The following LETM1 variants were observed in gnomAD, a reference collection of about 807,000 sequenced individuals.
LETM1 encodes leucine zipper and EF-hand containing transmembrane protein 1.
LETM1 carries 50 observed loss-of-function variants against 74.5 expected under a neutral mutation model. The observed-to-expected ratio is 0.67, with a 90% CI of 0.53 to 0.85. LETM1 has a LOEUF of 0.85. Ranked by LOEUF, LETM1 falls within the 40% of genes least tolerant of loss-of-function variation. LETM1 has a pLI of 0.00. For synonymous variants in LETM1, 446 were observed against 407.1 expected (o/e 1.10, Z -1.15); for missense variants, 824 against 967.8 (o/e 0.85, Z 1.97).
intron 6 of LETM1, among the ~76,000 whole-genome samples, chr4:1,831,415 G>A (rs571808070): frequency 5.9e-5 from 9 of 152,234 alleles, no homozygotes; most frequent in Non-Finnish European, 1.2e-4. Context: ...GAGGGCAGAA[G>A]CATCTCAGTA....
intron 3 of LETM1, among the ~76,000 whole-genome samples, chr4:1,837,794 C>T (rs1712509536): frequency 6.6e-6 from 1 of 151,180 alleles, no homozygotes; most frequent in African/African-American, 2.4e-5. Flanking sequence ...TCTCCATCTC[C>T]CTGGTTCAAG....
At chr4:1,852,342 C>T (rs1368928317) in intron 1 of LETM1, among the ~76,000 whole-genome samples, 4 of 152,198 alleles carry the variant, frequency 2.6e-5, no homozygotes, top group Non-Finnish European at 5.9e-5. Context: ...ACAGCATGGC[C>T]AGGGAGGTCC....
At chr4:1,848,092 G>A (rs761321488) in intron 2 of LETM1, among the ~76,000 whole-genome samples, 14 of 151,870 alleles carry the variant, frequency 9.2e-5, no homozygotes, top group Non-Finnish European at 1.2e-4. Context: ...ATAATAAAAC[G>A]TTATTCGTGG....
At chr4:1,852,168 C>T (rs1713091324) in intron 1 of LETM1, among the ~76,000 whole-genome samples, 1 of 152,246 alleles carries the variant, frequency 6.6e-6, no homozygotes. Context: ...ACTGCCCCCA[C>T]TCCATGTGCC....
intron 6 of LETM1, among the ~76,000 whole-genome samples, chr4:1,827,985 C>G: frequency 7.3e-6 from 1 of 137,924 alleles, no homozygotes; most frequent in South Asian, 2.3e-4. Flanking sequence ...CACTTCCCAG[C>G]AGGGGCGGCC....
At chr4:1,816,970 G>C in intron 11 of LETM1, 56 bp from the exon 12 acceptor site, 1 of 1,449,840 alleles carries the variant, frequency 6.9e-7, no homozygotes, top group Non-Finnish European at 9.6e-7. Context: ...AGGGGGTCAG[G>C]TGTAGTGGCT....
intron 1 of LETM1, among the ~76,000 whole-genome samples, chr4:1,855,264 A>G (rs942007427): frequency 6.6e-6 from 1 of 152,216 alleles, no homozygotes. Context: ...AGGTGGGCAC[A>G]CCCTGGGACA....
intron 9 of LETM1, 194 bp downstream of exon 9, chr4:1,822,794 G>A (rs1001001085): frequency 8.9e-6 from 4 of 447,460 alleles, no homozygotes. Flanking sequence ...GTGGCCATCG[G>A]GGAGTCCCCA....
rs1273811308 is a variant in LETM1 at position 1,829,171 on chromosome 4, A to AC, written c.1081-3489dup. ...GGCGGCTGGCCGGGCAGGGGGGCTG[A>AC]CCCCCCCCCCACCTCCCTCCCGGAC... On this transcript the variant is annotated intron_variant, in intron 6 of 13. Transcript: ENST00000302787. 3.3e-4 allele frequency among the ~76,000 whole-genome samples: 10 copies of AC among 30,742 alleles called. No homozygotes were observed. The East Asian group carries it at 4.3e-3, about 13-fold the overall frequency. 20.2% of individuals were successfully genotyped at this position (30,742 alleles called of 152,430 possible). A position where few individuals can be genotyped will look rare whatever the true frequency, so the allele number is the denominator to read the frequency against.
At chr4:1,822,141 C>A (rs372359085) in intron 10 of LETM1, 40 bp downstream of exon 10, 7 of 1,361,752 alleles carry the variant, frequency 5.1e-6, no homozygotes, top group African/African-American at 4.5e-5. Context: ...CCAGGCCATG[C>A]CCTCCTCAGC....
rs1560493937 is a variant in LETM1, at chr4:1,834,042, C to T, written c.876+803G>A. ...CCTGGGGGGCTCAGCAGCCCCATGGCTGTGTCGCCTCCTCCCGAGAGGCTT... is the reference window on the plus strand; with the variant it reads ...CCTGGGGGGCTCAGCAGCCCCATGGTTGTGTCGCCTCCTCCCGAGAGGCTT... On this transcript the variant is annotated intron_variant, in intron 5 of 13. Transcript: ENST00000302787. The surrounding 1 kb of genome is among the most constrained non-coding windows in gnomAD (Gnocchi z 5.0). 6.6e-6 allele frequency: 1 copy of T among 152,322 alleles called. No homozygotes were observed. Among genetic ancestry groups the T allele is most frequent in the South Asian group, 2.1e-4 (1 of 4,834 alleles). The allele number at this position is 152,322 out of a possible 1,614,324, so 9.4% of individuals were successfully genotyped here. A position where few individuals can be genotyped will look rare whatever the true frequency, so the allele number is the denominator to read the frequency against.
chr4:1,823,395 A>C (rs1711860527), intron 8 of LETM1, among the ~76,000 whole-genome samples: 1 of 152,112 alleles, frequency 6.6e-6, no homozygotes, highest in African/African-American at 2.4e-5. Context: ...CCAGATCCAC[A>C]GCAGCCAACA....
chr4:1,833,297 C>CTG, intron 5 of LETM1: 1 of 293,966 alleles, frequency 3.4e-6, no homozygotes, highest in South Asian at 3.5e-5. Context: ...CTCAAATACC[C>CTG]GACCTCAAGT....
In LETM1 at chr4:1,816,786, C is replaced by G; in HGVS notation, c.1872G>C (p.Ser624=). The G allele has an allele frequency of 6.2e-7, 1 of 1,614,222 alleles. No individual in the cohort carries two copies. The highest frequency in any genetic ancestry group is 8.5e-7 in the Non-Finnish European group (1 of 1,180,024). The change falls in exon 12 of 14, where the codon TCG becomes TCC. Residue 624 remains serine, a synonymous_variant. Coordinates refer to ENST00000302787, the MANE Select transcript of LETM1 (RefSeq NM_012318.3). ...QMIGQIDGLI[S]QLEMDQQAGK... ...CAGCCTGCTGGTCCATCTCCAGCTGCGAGATCAAGCCATCGATCTGCCCGA... is the reference window on the plus strand; with the variant it reads ...CAGCCTGCTGGTCCATCTCCAGCTGGGAGATCAAGCCATCGATCTGCCCGA...
At chr4:1,838,754 G>A (rs1184761822) in intron 3 of LETM1, among the ~76,000 whole-genome samples, 7 of 152,186 alleles carry the variant, frequency 4.6e-5, no homozygotes, top group Admixed American at 3.9e-4. Context: ...ACCATGAGGT[G>A]TTCTTGGGAG....
chr4:1,838,952 T>C (rs1200298392), intron 3 of LETM1, among the ~76,000 whole-genome samples: 6 of 152,178 alleles, frequency 3.9e-5, no homozygotes, highest in African/African-American at 1.4e-4. Context: ...TGAGATTCCA[T>C]CTCTTTTAAA....
At chr4:1,838,461 G>C (rs1254475430) in intron 3 of LETM1, among the ~76,000 whole-genome samples, 1 of 152,238 alleles carries the variant, frequency 6.6e-6, no homozygotes, top group East Asian at 1.9e-4. Flanking sequence ...AGGACTGCTT[G>C]AGGTCAGGAG....
chr4:1,822,759 A>G (rs531015875), intron 9 of LETM1: 6 of 404,532 alleles, frequency 1.5e-5, no homozygotes, highest in African/African-American at 8.2e-5. Context: ...GAGACGGCTA[A>G]GGTATATCTC....
rs1318264358 is a variant in LETM1 at position 1,812,655 on chromosome 4, CGATGAGGGAGAAT to C, written c.*1756_*1768del. 39 of 152,348 alleles carry C rather than the reference CGATGAGGGAGAAT, an allele frequency of 2.6e-4. 1 individual carries two copies. The highest frequency in any genetic ancestry group is 3.4e-3 in the Middle Eastern group (1 of 294). 9.4% of individuals were successfully genotyped at this position (152,348 alleles called of 1,614,324 possible). ...GACATAGAGAAAAATGCACACAGAA[CGATGAGGGAGAAT>C]GACGAGGGAGAATGACGAGGGAGCA... On this transcript the variant is annotated 3_prime_UTR_variant, in exon 14 of 14. Transcript: ENST00000302787.
Sources: gnomAD v4.1 joint callset for allele counts (sites outside exome capture counted in the v4.1 genomes callset) on GRCh38, gnomAD v4.1.1 for gene constraint, Gnocchi (gnomAD v3.1) non-coding constraint, MANE v1.5 for transcripts, NCBI Gene and HGNC (gene_info 2026-07-23, HGNC 2026-07-21) for gene names.